The following PRKN variants were observed in gnomAD, a reference collection of about 807,000 sequenced individuals.
PRKN encodes the protein E3 ubiquitin-protein ligase parkin.
Under a neutral mutation model 59.5 loss-of-function variants are expected in PRKN, and 56 were observed. The ratio of observed to expected loss-of-function variants is 0.94; its 90% CI spans 0.76 to 1.18. The LOEUF is 1.18. PRKN is among the 50% of genes most tolerant of loss of function. The pLI, the probability that PRKN is intolerant of heterozygous loss-of-function variation, is 0.00. For missense variants in PRKN, 657 were observed against 596.4 expected, an observed-to-expected ratio of 1.10 and a Z score of -1.06; for synonymous variants, 250 against 222.1, an observed-to-expected ratio of 1.13 and a Z score of -1.12.
intron 4 of PRKN, among the ~76,000 whole-genome samples, chr6:162,192,422 G>C (rs1421321247): frequency 7.1e-6 from 1 of 140,940 alleles, no homozygotes; most frequent in East Asian, 2.2e-4. Context: ...TTTATGGTAA[G>C]CATTCAATAA....
rs527477028 is a variant in PRKN, at chr6:162,153,008, A to T, written c.534+48123T>A. On this transcript the variant is annotated intron_variant, in intron 4 of 11. Coordinates refer to ENST00000366898, the MANE Select transcript of PRKN (RefSeq NM_004562.3). ...AGTCGATGATGTTCAAAAATAGTAGATTAAACCAAATTAAACAGATATTTT... is the reference window on the plus strand; with the variant it reads ...AGTCGATGATGTTCAAAAATAGTAGTTTAAACCAAATTAAACAGATATTTT... 2.6e-5 allele frequency among the ~76,000 whole-genome samples: 4 copies of T among 152,340 alleles called. No individual in the cohort carries two copies. In the South Asian group the frequency reaches 6.2e-4, roughly 24 times the overall value.
chr6:162,077,977 G>A (rs1439673762), intron 4 of PRKN, among the ~76,000 whole-genome samples: 3 of 145,074 alleles, frequency 2.1e-5, no homozygotes, highest in Non-Finnish European at 3.0e-5. Flanking sequence ...CAGCAGCCTG[G>A]GCAACAGAGA....
chr6:162,631,782 A>G (rs1038698856), intron 1 of PRKN, among the ~76,000 whole-genome samples: 1 of 152,018 alleles, frequency 6.6e-6, no homozygotes, highest in Admixed American at 6.6e-5. Context: ...TGTTGACTAG[A>G]GTATTTCCTA....
chr6:161,364,473 CAAAAAAA>C (rs57773007), intron 10 of PRKN, among the ~76,000 whole-genome samples: 43 of 37,890 alleles, frequency 1.1e-3, no homozygotes, highest in East Asian at 4.8e-3. Flanking sequence ...ACCCGCCCCG[CAAAAAAA>C]AAAAAAAAAA....
intron 4 of PRKN, among the ~76,000 whole-genome samples, chr6:162,161,311 C>A (rs1442676300): frequency 1.3e-5 from 2 of 151,972 alleles, no homozygotes; most frequent in Admixed American, 6.5e-5. Flanking sequence ...CCCAGTACCC[C>A]CTAGGAAGGC....
At chr6:161,894,815 T>C (rs535269123) in intron 6 of PRKN, among the ~76,000 whole-genome samples, 32 of 152,330 alleles carry the variant, frequency 2.1e-4, no homozygotes, top group African/African-American at 7.2e-4. Flanking sequence ...AACATTAAAA[T>C]GATATGCATG....
intron 2 of PRKN, among the ~76,000 whole-genome samples, chr6:162,359,071 A>ATAT (rs1428285716): frequency 3.0e-3 from 269 of 89,644 alleles, no homozygotes; most frequent in African/African-American, 7.8e-3. Context: ...AAAAAAAAAA[A>ATAT]AAAAAAAAAT....
intron 3 of PRKN, among the ~76,000 whole-genome samples, chr6:162,203,812 AT>A (rs553782865): frequency 2.0e-3 from 305 of 152,264 alleles, no homozygotes; most frequent in African/African-American, 6.8e-3. Flanking sequence ...ACTCTTCTGT[AT>A]GGCAGCTTCT....
intron 7 of PRKN, among the ~76,000 whole-genome samples, chr6:161,760,870 T>C (rs1351913450): frequency 2.6e-5 from 4 of 152,220 alleles, no homozygotes; most frequent in Non-Finnish European, 5.9e-5. Flanking sequence ...CCCGCACATA[T>C]CTAAACTGTT....
chr6:162,545,441 A>C (rs2128201435), intron 1 of PRKN, among the ~76,000 whole-genome samples: 1 of 152,280 alleles, frequency 6.6e-6, no homozygotes, highest in Middle Eastern at 3.4e-3. Context: ...GAAAAGGCAA[A>C]TAAAACATAC....
At chr6:162,414,201 G>A (rs188400633) in intron 2 of PRKN, among the ~76,000 whole-genome samples, 1 of 151,952 alleles carries the variant, frequency 6.6e-6, no homozygotes, top group Non-Finnish European at 1.5e-5. Flanking sequence ...CAACAAAAAA[G>A]ATTTCAGATA....
intron 3 of PRKN, among the ~76,000 whole-genome samples, chr6:162,224,935 A>G (rs1036044332): frequency 5.9e-5 from 9 of 152,194 alleles, no homozygotes; most frequent in Admixed American, 5.9e-4. Flanking sequence ...GTGGTACCCG[A>G]AACTCCTGGT....
At chr6:162,226,251 G>A (rs1043715788) in intron 3 of PRKN, among the ~76,000 whole-genome samples, 7 of 152,018 alleles carry the variant, frequency 4.6e-5, no homozygotes, top group African/African-American at 1.7e-4. Flanking sequence ...AGGCAGACAA[G>A]ACAGAGGCAG....
chr6:162,414,729 T>TAGG, intron 2 of PRKN, among the ~76,000 whole-genome samples: 1 of 55,900 alleles, frequency 1.8e-5, no homozygotes, highest in Non-Finnish European at 3.3e-5. Context: ...AAAAAAAAAG[T>TAGG]GAATCTTTGA....
intron 4 of PRKN, among the ~76,000 whole-genome samples, chr6:162,180,967 T>A (rs1783776766): frequency 6.6e-6 from 1 of 152,214 alleles, no homozygotes; most frequent in Admixed American, 6.5e-5. Context: ...GATTCTAGTT[T>A]AAACTGGATT....
chr6:161,718,459 T>C (rs1485714225), intron 7 of PRKN, among the ~76,000 whole-genome samples: 2 of 152,152 alleles, frequency 1.3e-5, no homozygotes, highest in Non-Finnish European at 2.9e-5. Context: ...TGACAAATAT[T>C]CTTTGGAGGC....
At chr6:161,788,023 C>T (rs989087064) in intron 6 of PRKN, among the ~76,000 whole-genome samples, 2 of 152,230 alleles carry the variant, frequency 1.3e-5, no homozygotes, top group Non-Finnish European at 2.9e-5. Flanking sequence ...GGTCAGCCCA[C>T]GAACTCCCGC....
In PRKN at chr6:161,371,458, C is replaced by T. The variant is rs1785441090; in HGVS notation, c.1168-11253G>A. Among the ~76,000 whole-genome samples, 1 of 141,592 alleles carries T rather than the reference C, an allele frequency of 7.1e-6. No homozygotes were observed. The highest frequency in any genetic ancestry group is 2.3e-4 in the South Asian group (1 of 4,266). 92.9% of individuals were successfully genotyped at this position (141,592 alleles called of 152,430 possible). A position where few individuals can be genotyped will look rare whatever the true frequency, so the allele number is the denominator to read the frequency against. On this transcript the variant is annotated intron_variant, in intron 10 of 11. Coordinates refer to ENST00000366898, the MANE Select transcript of PRKN (RefSeq NM_004562.3). This position sits in a 1 kb window ranked among gnomAD's most constrained non-coding sequence, Gnocchi z 5.5. ...TGGATTACAGGTGTGAGCCACTGCG[C>T]CCGGCCTATTTTGTTATTTTTTTTA... is the stretch of plus-strand genomic sequence containing the variant.
chr6:162,392,569 G>A (rs1025920684), intron 2 of PRKN, among the ~76,000 whole-genome samples: 1 of 152,156 alleles, frequency 6.6e-6, no homozygotes, highest in Non-Finnish European at 1.5e-5. Context: ...TTATGGAACT[G>A]TAATTTATTC....
Sources: gnomAD v4.1 joint callset for allele counts (sites outside exome capture counted in the v4.1 genomes callset) on GRCh38, gnomAD v4.1.1 for gene constraint, Gnocchi (gnomAD v3.1) non-coding constraint, MANE v1.5 for transcripts, NCBI Gene and HGNC (gene_info 2026-07-23, HGNC 2026-07-21) for gene names.